GPC5: variants seen among roughly 807,000 people sequenced by gnomAD.
GPC5 encodes the protein glypican 5.
In GPC5, 47 loss-of-function variants were observed where a neutral mutation model predicts 53.9. That is an observed-to-expected ratio of 0.87 (90% CI 0.69 to 1.11). GPC5 has a LOEUF of 1.11. Ranked by LOEUF, GPC5 falls within the 50% of genes most tolerant of loss-of-function variation. The probability of loss-of-function intolerance (pLI) is 0.00; values close to 1 mark genes in which losing one functional copy is unlikely to be tolerated. For synonymous variants in GPC5, 286 were observed against 263.3 expected (o/e 1.09, Z -0.84); for missense variants, 748 against 713.1 (o/e 1.05, Z -0.56).
chr13:92,001,606 G>A (rs2040555507), intron 6 of GPC5, among the ~76,000 whole-genome samples: 1 of 151,986 alleles, frequency 6.6e-6, no homozygotes, highest in African/African-American at 2.4e-5. Flanking sequence ...TTGAAAAAAT[G>A]GCCATGTAGT....
At chr13:91,933,545 A>G (rs1211854435) in intron 6 of GPC5, among the ~76,000 whole-genome samples, 2 of 151,954 alleles carry the variant, frequency 1.3e-5, no homozygotes, top group East Asian at 3.9e-4. Flanking sequence ...CATCCATGCA[A>G]TGAAGAAATG....
At chr13:92,206,036 C>G (rs1427276887) in intron 7 of GPC5, among the ~76,000 whole-genome samples, 7 of 88,744 alleles carry the variant, frequency 7.9e-5, no homozygotes. Flanking sequence ...GAGCAAGACT[C>G]CATCTCAAAA....
intron 3 of GPC5, among the ~76,000 whole-genome samples, chr13:91,704,552 A>G (rs1332667847): frequency 6.6e-6 from 1 of 152,150 alleles, no homozygotes; most frequent in Non-Finnish European, 1.5e-5. Flanking sequence ...CTGATGAGTC[A>G]CCTCAAATTG....
chr13:92,145,564 G>T (rs1390170523), intron 7 of GPC5, among the ~76,000 whole-genome samples: 1 of 151,334 alleles, frequency 6.6e-6, no homozygotes, highest in Non-Finnish European at 1.5e-5. Flanking sequence ...ACAAAGGATA[G>T]AATTTTCAAA....
At chr13:92,134,448 T>C (rs1268898802) in intron 6 of GPC5, among the ~76,000 whole-genome samples, 1 of 152,170 alleles carries the variant, frequency 6.6e-6, no homozygotes, top group African/African-American at 2.4e-5. Flanking sequence ...TGTATTACTT[T>C]TGTGGATATT....
At chr13:92,198,379 T>C (rs1050759815) in intron 7 of GPC5, among the ~76,000 whole-genome samples, 1 of 152,176 alleles carries the variant, frequency 6.6e-6, no homozygotes, top group Non-Finnish European at 1.5e-5. Context: ...TGATACCTCA[T>C]TGACAGATCA....
At chr13:91,808,245 A>G (rs1458607862) in intron 5 of GPC5, among the ~76,000 whole-genome samples, 1 of 152,186 alleles carries the variant, frequency 6.6e-6, no homozygotes, top group African/African-American at 2.4e-5. Context: ...GTTTTTCATC[A>G]CTTCAGACAT....
At chr13:92,196,124 G>A (rs1430253719) in intron 7 of GPC5, among the ~76,000 whole-genome samples, 1 of 147,442 alleles carries the variant, frequency 6.8e-6, no homozygotes, top group Non-Finnish European at 1.5e-5. Flanking sequence ...ACATTTCTAT[G>A]TGTAATATTT....
chr13:91,645,375 C>T (rs2034533948), intron 2 of GPC5, among the ~76,000 whole-genome samples: 2 of 152,128 alleles, frequency 1.3e-5, no homozygotes, highest in Admixed American at 1.3e-4. Flanking sequence ...GTGGTCTTGA[C>T]TTTCATCAAG....
chr13:91,928,826 T>G (rs1315082452), intron 6 of GPC5, among the ~76,000 whole-genome samples: 1 of 152,120 alleles, frequency 6.6e-6, no homozygotes, highest in African/African-American at 2.4e-5. Context: ...AAAGACATTA[T>G]AACCTCAGCA....
At position 91,492,169 on chromosome 13, in the gene GPC5, T is replaced by G. The variant is rs57375711; in HGVS notation, c.325+43247T>G. 1.3e-3 allele frequency among the ~76,000 whole-genome samples: 203 copies of G among 152,332 alleles called. 2 individuals carry two copies. Among genetic ancestry groups the G allele is most frequent in the African/African-American group, 4.6e-3 (191 of 41,580 alleles). On this transcript the variant is annotated intron_variant, in intron 2 of 7. Transcript: ENST00000377067. ...TTACTTGAAAATTGAAATTCCTGGC[T>G]CACTGCCAATTCCAAACTCTACTTC...
intron 6 of GPC5, among the ~76,000 whole-genome samples, chr13:91,941,093 C>A (rs1001746741): frequency 6.6e-6 from 1 of 151,928 alleles, no homozygotes; most frequent in African/African-American, 2.4e-5. Context: ...AAGGGTATCA[C>A]GTACATTTTC....
At position 91,693,628 on chromosome 13, in the gene GPC5, A is replaced by C. The variant is rs1466524162; in HGVS notation, c.767A>C (p.Gln256Pro). Residue 256 changes from glutamine (Q) to proline (P), a missense_variant, in exon 3 of 8, where the codon CAA (glutamine) becomes CCA (proline). Transcript: ENST00000377067. Reference protein sequence around the residue: ...KECSRALLKMQYCPHCQGLAL... With the variant: ...KECSRALLKMPYCPHCQGLAL... ...TGCAGCAGAGCCCTCCTGAAGATGC[A>C]ATACTGCCCGCACTGCCAAGGCCTG... 1.2e-6 allele frequency: 2 copies of C among 1,614,012 alleles called. No individual in the cohort carries two copies. The highest frequency in any genetic ancestry group is 1.3e-5 in the African/African-American group (1 of 74,934).
intron 7 of GPC5, among the ~76,000 whole-genome samples, chr13:92,288,039 A>AT (rs1035278311): frequency 2.0e-4 from 30 of 151,846 alleles, no homozygotes; most frequent in African/African-American, 6.8e-4. Context: ...ATCTCCAGGA[A>AT]TTTTTTTATC....
At chr13:92,010,225 A>G (rs758753440) in intron 6 of GPC5, among the ~76,000 whole-genome samples, 21 of 152,146 alleles carry the variant, frequency 1.4e-4, no homozygotes, top group Non-Finnish European at 2.5e-4. Context: ...CACTTAACAT[A>G]TCATATATTT....
chr13:91,718,623 A>G (rs1354391691), intron 3 of GPC5, among the ~76,000 whole-genome samples: 1 of 152,224 alleles, frequency 6.6e-6, no homozygotes, highest in Non-Finnish European at 1.5e-5. Flanking sequence ...CTTGGACACC[A>G]TATTTAAAAA....
At chr13:92,297,812 C>G (rs2043047814) in intron 7 of GPC5, among the ~76,000 whole-genome samples, 1 of 151,994 alleles carries the variant, frequency 6.6e-6, no homozygotes, top group Non-Finnish European at 1.5e-5. Flanking sequence ...ACTGTGGAAG[C>G]TTTGTTCTTT....
At chr13:92,209,993 C>T (rs2042363499) in intron 7 of GPC5, among the ~76,000 whole-genome samples, 1 of 152,088 alleles carries the variant, frequency 6.6e-6, no homozygotes, top group Non-Finnish European at 1.5e-5. Context: ...CTAAGTCAGC[C>T]TAGTCTTTCC....
chr13:91,920,182 C>G (rs949494817), intron 6 of GPC5, among the ~76,000 whole-genome samples: 6 of 152,078 alleles, frequency 3.9e-5, no homozygotes, highest in Non-Finnish European at 8.8e-5. Context: ...TACCCCAAAC[C>G]TATATGAATA....
Sources: gnomAD v4.1 joint callset for allele counts (sites outside exome capture counted in the v4.1 genomes callset) on GRCh38, gnomAD v4.1.1 for gene constraint, MANE v1.5 for transcripts, NCBI Gene and HGNC (gene_info 2026-07-23, HGNC 2026-07-21) for gene names.